Variants in ZCWPW2 observed in about 807,000 individuals in gnomAD.
The protein encoded by ZCWPW2 is zinc finger CW-type PWWP domain protein 2.
A neutral mutation model predicts 46.6 loss-of-function variants in ZCWPW2; 45 were observed. That is an observed-to-expected ratio of 0.96 (90% confidence interval 0.76 to 1.24). The LOEUF (loss-of-function observed/expected upper bound fraction) is 1.24. ZCWPW2 is among the 50% of genes most tolerant of loss of function. The probability of loss-of-function intolerance (pLI) is 0.00; values close to 1 mark genes in which losing one functional copy is unlikely to be tolerated. For synonymous variants in ZCWPW2, 152 were observed against 137.1 expected, an observed-to-expected ratio of 1.11 and a Z score of -0.76; for missense variants, 429 against 403.9, an observed-to-expected ratio of 1.06 and a Z score of -0.53.
chr3:28,373,657 G>A (rs1575062037), intron 1 of ZCWPW2, among the ~76,000 whole-genome samples: 1 of 151,886 alleles, frequency 6.6e-6, no homozygotes, highest in East Asian at 1.9e-4. Context: ...TGTATTTTTG[G>A]TAGAGATGGG....
chr3:28,459,502 G>T (rs912048046), intron 4 of ZCWPW2, among the ~76,000 whole-genome samples: 1 of 152,188 alleles, frequency 6.6e-6, no homozygotes, highest in Admixed American at 6.5e-5. Context: ...AACTAAAGAA[G>T]ATATTTATGT....
chr3:28,413,377 G>C lies in ZCWPW2; in HGVS notation c.309G>C (p.Leu103Phe). The change falls in exon 3 of 10, where the codon TTG becomes TTC. Residue 103 changes from leucine (L) to phenylalanine (F), a missense_variant. By Grantham distance (22) the Leu-to-Phe change is conservative. Transcript: ENST00000383768. ...YSQLPLGSLV[L>F]VKLQNWPSWP... ...AGCTCCCTCTTGGAAGCCTGGTTTT[G>C]GTAAAATTACAGAATTGGCCAAGGT... 5.6e-6 allele frequency: 9 copies of C among 1,607,656 alleles called. No homozygotes were observed. The highest frequency in any genetic ancestry group is 7.7e-6 in the Non-Finnish European group (9 of 1,175,424).
At chr3:28,477,413 A>G (rs930033463) in intron 4 of ZCWPW2, among the ~76,000 whole-genome samples, 7 of 152,204 alleles carry the variant, frequency 4.6e-5, no homozygotes, top group Non-Finnish European at 7.4e-5. Flanking sequence ...TACTTTGTAT[A>G]ATATACCATG....
At chr3:28,521,555 A>G (rs974933) in intron 9 of ZCWPW2, among the ~76,000 whole-genome samples, 61,404 of 152,014 alleles carry the variant, frequency 0.4, 12,803 homozygotes, top group East Asian at 0.65. Flanking sequence ...ACATACGGGA[A>G]GTAGAATTTT....
At chr3:28,413,445 A>G (rs1322264995) in intron 3 of ZCWPW2, 45 bp downstream of exon 3, 1 of 1,462,160 alleles carries the variant, frequency 6.8e-7, no homozygotes, top group Non-Finnish European at 9.2e-7. Context: ...TAGTCTTGCT[A>G]GGTTTATGAA....
chr3:28,435,710 A>G (rs1697457024), intron 4 of ZCWPW2, among the ~76,000 whole-genome samples: 1 of 151,304 alleles, frequency 6.6e-6, no homozygotes, highest in African/African-American at 2.4e-5. Flanking sequence ...ATGGTCTCGA[A>G]CTCCTGACCT....
chr3:28,391,616 G>A (rs1575081072), intron 2 of ZCWPW2, among the ~76,000 whole-genome samples: 1 of 152,162 alleles, frequency 6.6e-6, no homozygotes, highest in East Asian at 1.9e-4. Flanking sequence ...CTACCACATG[G>A]CAGCCCCTGT....
intron 8 of ZCWPW2, among the ~76,000 whole-genome samples, chr3:28,517,575 T>G (rs908419349): frequency 2.6e-5 from 4 of 152,206 alleles, no homozygotes; most frequent in African/African-American, 9.6e-5. Flanking sequence ...GCTCCCGTGA[T>G]GCACTTACCT....
chr3:28,352,126 G>GCACACACA (rs111383620), intron 1 of ZCWPW2, among the ~76,000 whole-genome samples: 2,359 of 129,588 alleles, frequency 0.018, 41 homozygotes, highest in African/African-American at 0.028. Flanking sequence ...TCAGATGTAT[G>GCACACACA]CACACACACA....
At chr3:28,369,409 G>C (rs1406402501) in intron 1 of ZCWPW2, among the ~76,000 whole-genome samples, 1 of 152,208 alleles carries the variant, frequency 6.6e-6, no homozygotes, top group African/African-American at 2.4e-5. Context: ...GTTGGAGTTT[G>C]CTGGAGGTCC....
Position 28,448,350 on chromosome 3 carries a change from G to C in ZCWPW2, c.492+13081G>C, listed in dbSNP as rs139808401. On this transcript the variant is annotated intron_variant, in intron 4 of 9. Transcript: ENST00000383768. Reference sequence around the variant, plus strand: ...ATTCCATTTACAATGGCATCAAAAAGAACAAACTACCTGAGAATTAACCAA... The same window carrying C: ...ATTCCATTTACAATGGCATCAAAAACAACAAACTACCTGAGAATTAACCAA... Among the ~76,000 whole-genome samples, 393 of 152,026 alleles carry C rather than the reference G, an allele frequency of 2.6e-3. 2 individuals carry two copies. Among genetic ancestry groups the C allele is most frequent in the African/African-American group, 8.9e-3 (371 of 41,460 alleles).
intron 3 of ZCWPW2, among the ~76,000 whole-genome samples, chr3:28,420,871 A>G (rs1351024165): frequency 1.3e-5 from 2 of 151,922 alleles, no homozygotes; most frequent in Non-Finnish European, 2.9e-5. Flanking sequence ...GTTTATTCCT[A>G]TTGTTCTCTT....
chr3:28,392,353 G>T (rs1695525165), intron 2 of ZCWPW2, among the ~76,000 whole-genome samples: 1 of 152,118 alleles, frequency 6.6e-6, no homozygotes, highest in South Asian at 2.1e-4. Flanking sequence ...AAATAGACAG[G>T]AATACAATAG....
chr3:28,390,011 T>C (rs1695422377), intron 1 of ZCWPW2, among the ~76,000 whole-genome samples: 1 of 152,234 alleles, frequency 6.6e-6, no homozygotes, highest in African/African-American at 2.4e-5. Context: ...ATATCCAGAA[T>C]AATGTTTGGT....
Position 28,380,954 on chromosome 3 carries a change from ATATATATATATATATATTTGG to A in ZCWPW2, c.-133-9526_-133-9506del, listed in dbSNP as rs1695038741. Among the ~76,000 whole-genome samples the A allele has an allele frequency of 1.5e-4, 7 of 45,788 alleles. 2 individuals carry two copies. The highest frequency in any genetic ancestry group is 7.9e-4 in the African/African-American group (7 of 8,910). 30.0% of individuals were successfully genotyped at this position (45,788 alleles called of 152,430 possible). Reference sequence around the variant, plus strand: ...ATTTGGTATATATATATATATATATATATATATATATATATATTTGGTATATATATATATATATATATTTGG... The same window carrying A: ...ATTTGGTATATATATATATATATATATATATATATATATATATATATTTGG... On this transcript the variant is annotated intron_variant, in intron 1 of 9. Coordinates refer to ENST00000383768, the MANE Select transcript of ZCWPW2 (RefSeq NM_001040432.4).
intron 4 of ZCWPW2, among the ~76,000 whole-genome samples, chr3:28,463,100 G>A (rs6794482): frequency 0.027 from 4,030 of 152,064 alleles, 152 homozygotes; most frequent in African/African-American, 0.085. Flanking sequence ...ACATTTCCAT[G>A]CTTATTCATT....
At chr3:28,364,160 CTT>C (rs1661938791) in intron 1 of ZCWPW2, among the ~76,000 whole-genome samples, 5 of 152,114 alleles carry the variant, frequency 3.3e-5, no homozygotes, top group Admixed American at 3.3e-4. Flanking sequence ...ATGACAGAAA[CTT>C]TTATATATTC....
chr3:28,409,610 G>C (rs1355257859), intron 2 of ZCWPW2, among the ~76,000 whole-genome samples: 2 of 152,092 alleles, frequency 1.3e-5, no homozygotes, highest in Non-Finnish European at 2.9e-5. Context: ...AGGCACAAAG[G>C]TCATCTGGAT....
At chr3:28,468,094 T>A (rs1203620761) in intron 4 of ZCWPW2, among the ~76,000 whole-genome samples, 1 of 152,104 alleles carries the variant, frequency 6.6e-6, no homozygotes, top group Non-Finnish European at 1.5e-5. Flanking sequence ...TTTCGAATTC[T>A]ATCAGATTAA....
Sources: allele counts gnomAD v4.1 joint callset (sites outside exome capture counted in the v4.1 genomes callset), GRCh38; gene constraint gnomAD v4.1.1; transcripts MANE v1.5; gene names NCBI Gene and HGNC (gene_info 2026-07-23, HGNC 2026-07-21).